The following LDLRAD4 variants were observed in gnomAD, a reference collection of about 807,000 sequenced individuals.
LDLRAD4 encodes the protein low-density lipoprotein receptor class A domain-containing protein 4.
A neutral mutation model predicts 17.0 loss-of-function variants in LDLRAD4; 5 were observed. That is an observed-to-expected ratio of 0.29 (90% CI 0.15 to 0.62). The LOEUF (loss-of-function observed/expected upper bound fraction) is 0.62. LDLRAD4 is among the 20% of genes least tolerant of loss of function. The probability of loss-of-function intolerance (pLI) is 0.84; values close to 1 mark genes in which losing one functional copy is unlikely to be tolerated. For missense variants in LDLRAD4, 340 were observed against 424.7 expected, an observed-to-expected ratio of 0.80 and a Z score of 1.75; for synonymous variants, 168 against 171.8, an observed-to-expected ratio of 0.98 and a Z score of 0.17.
rs112818975 is a variant in LDLRAD4 at position 13,566,503 on chromosome 18, C to T, written c.182-54614C>T. Among the ~76,000 whole-genome samples the T allele has an allele frequency of 2.7e-3, 411 of 152,134 alleles. 1 individual carries two copies. Among genetic ancestry groups the T allele is most frequent in the African/African-American group, 9.6e-3 (397 of 41,490 alleles). On this transcript the variant is annotated intron_variant, in intron 3 of 5. Coordinates refer to ENST00000359446, the Ensembl canonical transcript of LDLRAD4. ...TCAGCCTCTCGAGTAGCTGGGACTA[C>T]AGGCGCCTGCCACCACGCCCGGCTG...
intron 1 of LDLRAD4, among the ~76,000 whole-genome samples, chr18:13,376,374 A>G (rs1438324817): frequency 6.6e-6 from 1 of 152,226 alleles, no homozygotes; most frequent in African/African-American, 2.4e-5. Context: ...CGCTTAGATC[A>G]TGAAAGGCCT....
chr18:13,484,715 CT>C (rs2093176412), intron 3 of LDLRAD4, among the ~76,000 whole-genome samples: 1 of 152,204 alleles, frequency 6.6e-6, no homozygotes, highest in South Asian at 2.1e-4. Context: ...CTGACTCCCC[CT>C]GCCCCCACCT....
At chr18:13,428,778 C>G (rs1169580628) in intron 2 of LDLRAD4, among the ~76,000 whole-genome samples, 1 of 152,096 alleles carries the variant, frequency 6.6e-6, no homozygotes, top group African/African-American at 2.4e-5. Context: ...GCAGTGGCAT[C>G]TCTATCCCCA....
intron 1 of LDLRAD4, among the ~76,000 whole-genome samples, chr18:13,347,906 A>G (rs2082790564): frequency 6.6e-6 from 1 of 152,150 alleles, no homozygotes. Context: ...TTCTCGTGCC[A>G]TGGTTTTCAG....
At chr18:13,402,520 C>T (rs977985983) in intron 2 of LDLRAD4, among the ~76,000 whole-genome samples, 5 of 152,166 alleles carry the variant, frequency 3.3e-5, no homozygotes, top group Non-Finnish European at 5.9e-5. Context: ...AAGATCTCTT[C>T]GTTTTTAAGT....
Position 13,622,854 on chromosome 18 carries a change from GCA to G in LDLRAD4, c.336+1586_336+1587del, listed in dbSNP as rs898901216. On this transcript the variant is annotated intron_variant, in intron 4 of 5. Coordinates refer to ENST00000359446, the Ensembl canonical transcript of LDLRAD4. This position sits in a 1 kb window ranked among gnomAD's most constrained non-coding sequence, Gnocchi z 5.3. ...CCACCCCTGGACTTGGTGGAAACAA[GCA>G]CAGCCTTCCTTGGCCTTCTCTCCAG... Among the ~76,000 whole-genome samples the G allele has an allele frequency of 6.6e-6, 1 of 152,194 alleles. No individual in the cohort carries two copies. Among genetic ancestry groups the G allele is most frequent in the Non-Finnish European group, 1.5e-5 (1 of 68,032 alleles).
intron 2 of LDLRAD4, among the ~76,000 whole-genome samples, chr18:13,412,882 A>G (rs892562216): frequency 3.3e-4 from 50 of 152,160 alleles, no homozygotes; most frequent in African/African-American, 1.1e-3. Context: ...CAGCTTCTCA[A>G]ATTTTTATTG....
At chr18:13,502,068 G>A (rs1478011714) in intron 3 of LDLRAD4, among the ~76,000 whole-genome samples, 1 of 152,192 alleles carries the variant, frequency 6.6e-6, no homozygotes, top group East Asian at 1.9e-4. Context: ...GCAAATTCGC[G>A]GAAGGCTTTG....
intron 3 of LDLRAD4, among the ~76,000 whole-genome samples, chr18:13,486,007 T>G (rs755577088): frequency 4.3e-4 from 65 of 152,340 alleles, no homozygotes; most frequent in Non-Finnish European, 7.6e-4. Flanking sequence ...ACTTTTCCCT[T>G]CTCTTCTGGT....
chr18:13,332,554 C>G (rs999900961), intron 1 of LDLRAD4, among the ~76,000 whole-genome samples: 2 of 152,138 alleles, frequency 1.3e-5, no homozygotes, highest in Non-Finnish European at 2.9e-5. Flanking sequence ...TGTGCCTCAC[C>G]TGTTCATCTC....
At chr18:13,233,320 A>G (rs2042174655) in intron 1 of LDLRAD4, among the ~76,000 whole-genome samples, 1 of 152,224 alleles carries the variant, frequency 6.6e-6, no homozygotes, top group Non-Finnish European at 1.5e-5. Flanking sequence ...AGGTGGCAAG[A>G]CATCAAGGGA....
intron 3 of LDLRAD4, among the ~76,000 whole-genome samples, chr18:13,508,805 A>G (rs1471565330): frequency 6.6e-6 from 1 of 152,228 alleles, no homozygotes; most frequent in Non-Finnish European, 1.5e-5. Flanking sequence ...CTGCTAACAC[A>G]ACATCCACTC....
At chr18:13,538,776 T>G (rs946411550) in intron 3 of LDLRAD4, among the ~76,000 whole-genome samples, 3 of 152,216 alleles carry the variant, frequency 2.0e-5, no homozygotes, top group Admixed American at 6.5e-5. Context: ...TCTGCCCACC[T>G]TGGCCTCCCA....
At chr18:13,549,548 T>C (rs772580763) in intron 3 of LDLRAD4, among the ~76,000 whole-genome samples, 1 of 151,856 alleles carries the variant, frequency 6.6e-6, no homozygotes, top group Non-Finnish European at 1.5e-5. Context: ...AATTGTGTTT[T>C]AACATTGTCT....
At chr18:13,642,925 TTTG>T (rs1432935012) in intron 4 of LDLRAD4, among the ~76,000 whole-genome samples, 2,277 of 122,306 alleles carry the variant, frequency 0.019, 55 homozygotes, top group African/African-American at 0.089. Flanking sequence ...TTATCTATTT[TTTG>T]TTTTTTTTTT....
chr18:13,591,447 T>C (rs1032827420), intron 3 of LDLRAD4, among the ~76,000 whole-genome samples: 4 of 151,636 alleles, frequency 2.6e-5, no homozygotes, highest in Admixed American at 6.6e-5. Flanking sequence ...TGTGTGTGTG[T>C]GTCTCTGTGT....
intron 3 of LDLRAD4, among the ~76,000 whole-genome samples, chr18:13,458,460 C>T (rs1210352381): frequency 6.6e-6 from 1 of 152,138 alleles, no homozygotes; most frequent in Non-Finnish European, 1.5e-5. Flanking sequence ...AAGCATGTGC[C>T]CAGGTGAAAA....
intron 1 of LDLRAD4, among the ~76,000 whole-genome samples, chr18:13,292,588 T>C (rs899506016): frequency 5.3e-5 from 8 of 152,224 alleles, no homozygotes; most frequent in Non-Finnish European, 1.0e-4. Flanking sequence ...ATGGAAATGT[T>C]GAAAACCTTT....
chr18:13,523,953 T>C (rs1244909684), intron 3 of LDLRAD4, among the ~76,000 whole-genome samples: 4 of 152,216 alleles, frequency 2.6e-5, no homozygotes, highest in African/African-American at 9.6e-5. Flanking sequence ...TGTTAGGAGC[T>C]TCTTGGCTGG....
Sources: allele counts gnomAD v4.1 joint callset (sites outside exome capture counted in the v4.1 genomes callset), GRCh38; gene constraint gnomAD v4.1.1; non-coding constraint Gnocchi (gnomAD v3.1); transcripts MANE v1.5; gene names NCBI Gene and HGNC (gene_info 2026-07-23, HGNC 2026-07-21).